The following KCNIP4 variants were observed in gnomAD, a reference collection of about 807,000 sequenced individuals.
KCNIP4 encodes Kv channel-interacting protein 4.
Under a neutral mutation model 34.0 loss-of-function variants are expected in KCNIP4, and 12 were observed. The observed-to-expected ratio is 0.35, with a 90% confidence interval of 0.23 to 0.57. The LOEUF is 0.57. Among genes scored for constraint, KCNIP4 ranks in the 20% least tolerant of loss-of-function variants. The probability of loss-of-function intolerance (pLI) is 0.83; values close to 1 mark genes in which losing one functional copy is unlikely to be tolerated. For synonymous variants in KCNIP4, 124 were observed against 102.2 expected, an observed-to-expected ratio of 1.21 and a Z score of -1.29; for missense variants, 238 against 311.7, an observed-to-expected ratio of 0.76 and a Z score of 1.78.
intron 5 of KCNIP4, among the ~76,000 whole-genome samples, chr4:20,746,561 C>A (rs1053213837): frequency 6.6e-6 from 1 of 151,966 alleles, no homozygotes; most frequent in African/African-American, 2.4e-5. Context: ...CTATAGTTAA[C>A]ATCTAATAAC....
At chr4:21,596,799 C>T (rs576165004) in intron 1 of KCNIP4, among the ~76,000 whole-genome samples, 1 of 152,006 alleles carries the variant, frequency 6.6e-6, no homozygotes, top group African/African-American at 2.4e-5. Context: ...TAAACAGTCA[C>T]TGCAGGTACC....
chr4:20,891,121 A>G (rs1417949702), intron 1 of KCNIP4, among the ~76,000 whole-genome samples: 1 of 152,072 alleles, frequency 6.6e-6, no homozygotes, highest in Non-Finnish European at 1.5e-5. Flanking sequence ...AAAAACTTCT[A>G]TTTCTCATGG....
chr4:21,039,217 C>T (rs142511778), intron 1 of KCNIP4, among the ~76,000 whole-genome samples: 3,750 of 152,004 alleles, frequency 0.025, 143 homozygotes, highest in African/African-American at 0.084. Context: ...AAAAAATTAG[C>T]TGGACATGGT....
At chr4:21,830,691 A>G (rs796795572) in intron 1 of KCNIP4, among the ~76,000 whole-genome samples, 5 of 152,174 alleles carry the variant, frequency 3.3e-5, no homozygotes, top group African/African-American at 1.2e-4. Flanking sequence ...CAAACAAACA[A>G]ATAATAATAC....
intron 2 of KCNIP4, among the ~76,000 whole-genome samples, chr4:20,871,975 C>A (rs1296209170): frequency 1.3e-5 from 2 of 152,128 alleles, no homozygotes; most frequent in East Asian, 3.9e-4. Context: ...ACTGTCCAGA[C>A]TCTGCTCCAT....
intron 1 of KCNIP4, among the ~76,000 whole-genome samples, chr4:21,114,548 T>A (rs62293809): frequency 6.6e-6 from 1 of 152,162 alleles, no homozygotes; most frequent in African/African-American, 2.4e-5. Context: ...CAAAAAACTT[T>A]ACTACATTCT....
At chr4:20,773,440 A>T (rs893175074) in intron 3 of KCNIP4, among the ~76,000 whole-genome samples, 1 of 152,108 alleles carries the variant, frequency 6.6e-6, no homozygotes, top group African/African-American at 2.4e-5. Context: ...TCTCCTCTCC[A>T]TGCCAGGCAA....
At chr4:21,314,652 A>G (rs775641732) in intron 1 of KCNIP4, among the ~76,000 whole-genome samples, 12 of 152,212 alleles carry the variant, frequency 7.9e-5, no homozygotes, top group Non-Finnish European at 1.5e-4. Flanking sequence ...ACAGAAGCCA[A>G]CAGAAAGATG....
intron 3 of KCNIP4, among the ~76,000 whole-genome samples, chr4:20,791,834 G>T (rs1712791489): frequency 6.6e-6 from 1 of 152,090 alleles, no homozygotes; most frequent in African/African-American, 2.4e-5. Context: ...TAATATGAGA[G>T]TTCATCCAAT....
At chr4:21,528,614 C>G (rs955878217) in intron 1 of KCNIP4, among the ~76,000 whole-genome samples, 1 of 150,050 alleles carries the variant, frequency 6.7e-6, no homozygotes, top group African/African-American at 2.5e-5. Context: ...TTGCAGTGAG[C>G]CAAGAACGCG....
intron 3 of KCNIP4, among the ~76,000 whole-genome samples, chr4:20,830,355 T>C (rs1718269181): frequency 1.3e-5 from 2 of 152,216 alleles, no homozygotes; most frequent in Non-Finnish European, 2.9e-5. Context: ...CAAAGAACTA[T>C]GAATTCTGGT....
chr4:20,758,692 G>T (rs1057053920), intron 4 of KCNIP4, 129 bp downstream of exon 4: 9 of 709,784 alleles, frequency 1.3e-5, no homozygotes, highest in African/African-American at 1.1e-4. Flanking sequence ...ATATACACTT[G>T]CATGCTGTGC....
At chr4:21,763,694 A>G (rs1718209155) in intron 1 of KCNIP4, among the ~76,000 whole-genome samples, 1 of 152,216 alleles carries the variant, frequency 6.6e-6, no homozygotes, top group African/African-American at 2.4e-5. Context: ...AAAACCCAGC[A>G]CAGTTATTCT....
intron 2 of KCNIP4, among the ~76,000 whole-genome samples, chr4:20,863,740 G>A (rs1722455136): frequency 6.6e-6 from 1 of 152,050 alleles, no homozygotes; most frequent in Non-Finnish European, 1.5e-5. Context: ...TTGCAAAGGA[G>A]GTTTCATTAA....
chr4:21,199,397 C>T (rs1756301635), intron 1 of KCNIP4, among the ~76,000 whole-genome samples: 1 of 152,144 alleles, frequency 6.6e-6, no homozygotes, highest in Admixed American at 6.5e-5. Context: ...TATCCTTCCC[C>T]CACTTTTTGA....
At chr4:21,085,921 C>T (rs1746386279) in intron 1 of KCNIP4, among the ~76,000 whole-genome samples, 1 of 152,114 alleles carries the variant, frequency 6.6e-6, no homozygotes, top group South Asian at 2.1e-4. Context: ...ACTGCATTTC[C>T]AGGTTATACT....
chr4:21,558,095 A>T (rs925024785), intron 1 of KCNIP4, among the ~76,000 whole-genome samples: 1 of 152,186 alleles, frequency 6.6e-6, no homozygotes, highest in Non-Finnish European at 1.5e-5. Flanking sequence ...TGGTAGCCAG[A>T]AACTTCCCGT....
intron 1 of KCNIP4, among the ~76,000 whole-genome samples, chr4:21,213,799 T>C (rs1392041185): frequency 6.6e-6 from 1 of 152,186 alleles, no homozygotes; most frequent in Admixed American, 6.5e-5. Flanking sequence ...ACACACAACG[T>C]TCTACCATCA....
intron 1 of KCNIP4, among the ~76,000 whole-genome samples, chr4:21,364,043 T>A (rs1437960885): frequency 6.6e-6 from 1 of 152,142 alleles, no homozygotes; most frequent in East Asian, 1.9e-4. Flanking sequence ...TTATCTTTAT[T>A]CTAAGAAAAT....
Sources: allele counts gnomAD v4.1 joint callset (sites outside exome capture counted in the v4.1 genomes callset), GRCh38; gene constraint gnomAD v4.1.1; transcripts MANE v1.5; gene names NCBI Gene and HGNC (gene_info 2026-07-23, HGNC 2026-07-21).